PTPRK: variants seen among roughly 807,000 people sequenced by gnomAD.
PTPRK encodes protein tyrosine phosphatase receptor type K.
A neutral mutation model predicts 178.0 loss-of-function variants in PTPRK; 75 were observed. The observed-to-expected ratio is 0.42, with a 90% confidence interval of 0.35 to 0.51. The LOEUF is 0.51. Among genes scored for constraint, PTPRK ranks in the 20% least tolerant of loss-of-function variants. The pLI, the probability that PTPRK is intolerant of heterozygous loss-of-function variation, is 0.02. For synonymous variants in PTPRK, 637 were observed against 620.6 expected (o/e 1.03, Z -0.39); for missense variants, 1,441 against 1,797.8 (o/e 0.80, Z 3.59).
chr6:128,165,683 A>AT (rs1001068007), intron 7 of PTPRK, among the ~76,000 whole-genome samples: 6 of 151,178 alleles, frequency 4.0e-5, no homozygotes, highest in Non-Finnish European at 7.4e-5. Flanking sequence ...TCATAAGATG[A>AT]TTTTTTTTCC....
intron 3 of PTPRK, among the ~76,000 whole-genome samples, chr6:128,270,018 T>G (rs1203330351): frequency 6.6e-6 from 1 of 152,146 alleles, no homozygotes; most frequent in Admixed American, 6.6e-5. Context: ...TTCTGCTGAT[T>G]GTACCTGCTA....
chr6:128,095,577 G>A (rs921378791), intron 7 of PTPRK, among the ~76,000 whole-genome samples: 4 of 152,022 alleles, frequency 2.6e-5, no homozygotes. Context: ...TATTTCCCTT[G>A]GACACCCCAT....
intron 8 of PTPRK, among the ~76,000 whole-genome samples, chr6:128,084,539 A>G (rs532653387): frequency 6.6e-6 from 1 of 152,324 alleles, no homozygotes; most frequent in East Asian, 1.9e-4. Context: ...AACGATCTGC[A>G]CAACTACTTT....
At chr6:128,484,984 T>C (rs965477486) in intron 1 of PTPRK, among the ~76,000 whole-genome samples, 14 of 152,126 alleles carry the variant, frequency 9.2e-5, no homozygotes, top group African/African-American at 3.4e-4. Flanking sequence ...AGGAGGCACA[T>C]GGGATCAAAT....
Position 128,520,314 on chromosome 6 carries a change from G to C in PTPRK, c.45C>G (p.Leu15=). 1 of 1,610,724 alleles carries C rather than the reference G, an allele frequency of 6.2e-7. No homozygotes were observed. The highest frequency in any genetic ancestry group is 1.1e-5 in the South Asian group (1 of 90,436). The change falls in exon 1 of 30, where the codon CTC becomes CTG. Residue 15 remains leucine (L), a synonymous_variant. Transcript: ENST00000368226. ...GGAGAGGCCAAGGAGAGAGGAGCAA[G>C]AGCGCCACAAAAGCAGGCAGCGCCG... ...AAAALPAFVA[L]LLLSPWPLLG...
chr6:127,990,311 C>G (rs1776459469), intron 21 of PTPRK, among the ~76,000 whole-genome samples: 2 of 152,090 alleles, frequency 1.3e-5, no homozygotes, highest in Admixed American at 1.3e-4. Context: ...TGACTCTCCC[C>G]TCTGTCAGAA....
At chr6:128,287,048 C>T (rs1019488816) in intron 3 of PTPRK, among the ~76,000 whole-genome samples, 1 of 152,164 alleles carries the variant, frequency 6.6e-6, no homozygotes, top group Admixed American at 6.6e-5. Flanking sequence ...AATGATCCCT[C>T]TGTTAATCTC....
intron 3 of PTPRK, among the ~76,000 whole-genome samples, chr6:128,296,032 T>A (rs539674651): frequency 6.6e-6 from 1 of 152,256 alleles, no homozygotes; most frequent in Admixed American, 6.5e-5. Flanking sequence ...AAGCTTCCAA[T>A]GACTCTCCAT....
chr6:128,183,939 TCAA>T (rs1013834816), intron 7 of PTPRK, among the ~76,000 whole-genome samples: 8 of 152,188 alleles, frequency 5.3e-5, no homozygotes, highest in African/African-American at 1.9e-4. Context: ...GAGGTAATCC[TCAA>T]CAACAGGACA....
intron 6 of PTPRK, 144 bp downstream of exon 6, chr6:128,218,778 T>C: frequency 1.3e-6 from 1 of 794,812 alleles, no homozygotes; most frequent in Non-Finnish European, 1.9e-6. Flanking sequence ...TCACACATTC[T>C]GAGAAATTGT....
intron 21 of PTPRK, among the ~76,000 whole-genome samples, chr6:127,986,940 T>C (rs1776044645): frequency 6.6e-6 from 1 of 152,126 alleles, no homozygotes; most frequent in Non-Finnish European, 1.5e-5. Context: ...CATCAATAAA[T>C]AACTGTAACA....
chr6:127,995,225 T>G, intron 18 of PTPRK: 1 of 1,583,120 alleles, frequency 6.3e-7, no homozygotes, highest in Non-Finnish European at 8.6e-7. Context: ...TAGGGTGCTG[T>G]TATTTACATA....
At position 128,364,101 on chromosome 6, in the gene PTPRK, T is replaced by C. The variant is rs1189792838; in HGVS notation, c.223+33465A>G. Among the ~76,000 whole-genome samples, 6 of 152,158 alleles carry C rather than the reference T, an allele frequency of 3.9e-5. No homozygotes were observed. The East Asian group carries it at 5.8e-4, about 15-fold the overall frequency. On this transcript the variant is annotated intron_variant, in intron 2 of 29. Transcript: ENST00000368226. ...TGGGTGTTATTATTAAAACTCTATATTACATAGCCATTTATCAAAAAAAAT... is the reference window on the plus strand; with the variant it reads ...TGGGTGTTATTATTAAAACTCTATACTACATAGCCATTTATCAAAAAAAAT...
At position 127,973,014 on chromosome 6, in the gene PTPRK, T is replaced by C; in HGVS notation, c.4269+8A>G. 4 of 1,613,794 alleles carry C rather than the reference T, an allele frequency of 2.5e-6. No homozygotes were observed. Among genetic ancestry groups the C allele is most frequent in the Non-Finnish European group, 3.4e-6 (4 of 1,179,704 alleles). ...GATGCCTTCCAAATCTAAGATTCTG[T>C]GACTCACCGGGGCTTCCACCATGTT... On this transcript the variant is annotated splice_region_variant and intron_variant, in intron 29 of 29. Coordinates refer to ENST00000368226, the MANE Select transcript of PTPRK (RefSeq NM_002844.4).
At chr6:128,137,135 A>C (rs1457072787) in intron 7 of PTPRK, among the ~76,000 whole-genome samples, 1 of 152,182 alleles carries the variant, frequency 6.6e-6, no homozygotes, top group Non-Finnish European at 1.5e-5. Flanking sequence ...TTACTTTCTG[A>C]ATACATACTA....
intron 7 of PTPRK, among the ~76,000 whole-genome samples, chr6:128,153,931 A>T (rs1797626605): frequency 6.6e-6 from 1 of 151,680 alleles, no homozygotes; most frequent in Non-Finnish European, 1.5e-5. Context: ...AATGTGCTTC[A>T]CTCTCCATGG....
chr6:128,261,062 A>G (rs1818105828), intron 3 of PTPRK, among the ~76,000 whole-genome samples: 1 of 152,104 alleles, frequency 6.6e-6, no homozygotes, highest in Non-Finnish European at 1.5e-5. Context: ...CTGTCAATCT[A>G]TCAAGCCTCT....
intron 3 of PTPRK, among the ~76,000 whole-genome samples, chr6:128,254,112 A>G (rs1816904699): frequency 1.3e-5 from 2 of 152,190 alleles, no homozygotes; most frequent in Non-Finnish European, 2.9e-5. Flanking sequence ...TACTGAAAAA[A>G]TTAGTTATGG....
chr6:128,305,447 G>A (rs973340914), intron 3 of PTPRK, among the ~76,000 whole-genome samples: 3 of 152,196 alleles, frequency 2.0e-5, no homozygotes, highest in Admixed American at 6.6e-5. Context: ...AAACAGAAAT[G>A]TAAGAAAACA....
Sources: allele counts gnomAD v4.1 joint callset (sites outside exome capture counted in the v4.1 genomes callset), GRCh38; gene constraint gnomAD v4.1.1; transcripts MANE v1.5; gene names NCBI Gene and HGNC (gene_info 2026-07-23, HGNC 2026-07-21).